Variants in CLASP1 observed in about 807,000 individuals in gnomAD.
The protein encoded by CLASP1 is CLIP-associating protein 1.
A neutral mutation model predicts 192.3 loss-of-function variants in CLASP1; 38 were observed. That is an observed-to-expected ratio of 0.20 (90% CI 0.15 to 0.26). The LOEUF is 0.26. Among genes scored for constraint, CLASP1 ranks in the 10% least tolerant of loss-of-function variants. The pLI is 1.00. For synonymous variants in CLASP1, 691 were observed against 712.8 expected (o/e 0.97, Z 0.49); for missense variants, 1,433 against 1,932.5 (o/e 0.74, Z 4.85).
intron 1 of CLASP1, among the ~76,000 whole-genome samples, chr2:121,642,405 AAAAAAAAAAAAAAG>A (rs1365142194): frequency 6.8e-6 from 1 of 148,104 alleles, no homozygotes; most frequent in Non-Finnish European, 1.5e-5. Flanking sequence ...TTTTGCTAAA[AAAAAAAAAAAAAAG>A]AAAAAAGAAA....
chr2:121,417,177 C>A (rs1179135323), intron 23 of CLASP1, among the ~76,000 whole-genome samples: 1 of 152,122 alleles, frequency 6.6e-6, no homozygotes, highest in African/African-American at 2.4e-5. Flanking sequence ...ACAAAACAGA[C>A]CAGATTCACT....
chr2:121,445,424 C>G, intron 19 of CLASP1: 1 of 1,283,296 alleles, frequency 7.8e-7, no homozygotes. Flanking sequence ...ACACGTCCAG[C>G]AGCAAAAGCT....
chr2:121,453,470 G>A (rs939470463), intron 14 of CLASP1, among the ~76,000 whole-genome samples: 3 of 152,124 alleles, frequency 2.0e-5, no homozygotes, highest in East Asian at 1.9e-4. Context: ...TCCTAGGGCC[G>A]GCAGTGGTGG....
intron 1 of CLASP1, among the ~76,000 whole-genome samples, chr2:121,648,885 G>C (rs1413862377): frequency 1.3e-5 from 2 of 152,230 alleles, no homozygotes; most frequent in Non-Finnish European, 2.9e-5. Flanking sequence ...GCCCAGGACG[G>C]GAGCCCGGGC....
At position 121,363,303 on chromosome 2, in the gene CLASP1, A is replaced by T; in HGVS notation, c.4078-3T>A. ...AACGCCAGTGCTCGAATTGAATGCT[A>T]GAATACAAAGGGAAAGGAAGACATC... On this transcript the variant is annotated splice_region_variant and splice_polypyrimidine_tract_variant and intron_variant, in intron 36 of 39. Transcript: ENST00000263710. 1 of 1,613,632 alleles carries T rather than the reference A, an allele frequency of 6.2e-7. No individual in the cohort carries two copies. The highest frequency in any genetic ancestry group is 8.5e-7 in the Non-Finnish European group (1 of 1,179,788).
At position 121,481,182 on chromosome 2, in the gene CLASP1, T is replaced by TAAA. The variant is rs751660477; in HGVS notation, c.713-11223_713-11222insTTT. Among the ~76,000 whole-genome samples the TAAA allele has an allele frequency of 3.3e-5, 5 of 152,248 alleles. No homozygotes were observed. The East Asian group carries it at 9.6e-4, about 29-fold the overall frequency. On this transcript the variant is annotated intron_variant, in intron 8 of 39. Coordinates refer to ENST00000263710, the Ensembl canonical transcript of CLASP1. ...AGTATGGGACAAATGGCAGCTATTT[T>TAAA]ATACCCTCATTATTTGTGCTATGCT...
chr2:121,478,895 A>ACAC (rs2092229625), intron 8 of CLASP1, among the ~76,000 whole-genome samples: 2 of 61,798 alleles, frequency 3.2e-5, no homozygotes, highest in Admixed American at 1.8e-4. Context: ...CACCACACAC[A>ACAC]CACACCACAC....
intron 37 of CLASP1, 96 bp from the exon 39 acceptor site, chr2:121,348,814 A>C (rs1573576006): frequency 9.0e-7 from 1 of 1,112,346 alleles, no homozygotes. Context: ...AAGGACAATG[A>C]CCTCAATGTC....
At chr2:121,608,567 C>T (rs1160882083) in intron 1 of CLASP1, among the ~76,000 whole-genome samples, 1 of 152,170 alleles carries the variant, frequency 6.6e-6, no homozygotes, top group African/African-American at 2.4e-5. Flanking sequence ...AACTGCCAGA[C>T]ATGTGAGTGA....
chr2:121,425,607 G>C (rs1397320426), intron 21 of CLASP1, among the ~76,000 whole-genome samples: 1 of 152,006 alleles, frequency 6.6e-6, no homozygotes, highest in Non-Finnish European at 1.5e-5. Context: ...TGTAAGAGCT[G>C]ATTATGTTAA....
intron 8 of CLASP1, among the ~76,000 whole-genome samples, chr2:121,476,846 C>T (rs2091682437): frequency 6.6e-6 from 1 of 152,196 alleles, no homozygotes; most frequent in Middle Eastern, 3.2e-3. Flanking sequence ...TTAGCTCTCT[C>T]AAGAGGAAGC....
At chr2:121,439,662 T>C (rs184579141) in intron 19 of CLASP1, among the ~76,000 whole-genome samples, 3 of 152,112 alleles carry the variant, frequency 2.0e-5, no homozygotes, top group South Asian at 2.1e-4. Context: ...TTATTCACAA[T>C]AGCAAAGACT....
chr2:121,608,884 A>AATC (rs1344891069), intron 1 of CLASP1, among the ~76,000 whole-genome samples: 1 of 152,168 alleles, frequency 6.6e-6, no homozygotes, highest in Non-Finnish European at 1.5e-5. Context: ...TAATAATAAT[A>AATC]ATAATACAAT....
intron 4 of CLASP1, 134 bp downstream of exon 4, chr2:121,528,543 T>C: frequency 2.9e-6 from 2 of 687,192 alleles, no homozygotes; most frequent in Non-Finnish European, 5.2e-6. Context: ...TTGAATGCTG[T>C]GAAAATTTTT....
At chr2:121,472,936 G>A (rs1280489940) in intron 8 of CLASP1, among the ~76,000 whole-genome samples, 1 of 152,182 alleles carries the variant, frequency 6.6e-6, no homozygotes, top group Non-Finnish European at 1.5e-5. Flanking sequence ...AGGGCATTAG[G>A]CAGACCGCAA....
intron 2 of CLASP1, among the ~76,000 whole-genome samples, chr2:121,533,390 A>C (rs1357826078): frequency 6.6e-6 from 1 of 152,156 alleles, no homozygotes; most frequent in African/African-American, 2.4e-5. Flanking sequence ...TAACTATAAA[A>C]ACCTCTTTGT....
At chr2:121,635,245 A>G (rs2070615999) in intron 1 of CLASP1, among the ~76,000 whole-genome samples, 1 of 151,990 alleles carries the variant, frequency 6.6e-6, no homozygotes, top group African/African-American at 2.4e-5. Flanking sequence ...AAGAAAAGAA[A>G]GAAAATGACT....
chr2:121,515,647 G>C lies in CLASP1; in HGVS notation c.644+18C>G. The stretch of plus-strand genomic sequence containing the variant: ...GGGGGTTGGGTAGAGCAGAAGAAAG[G>C]AAAAAATCTGCACTCACCGGGACTG... On this transcript the variant is annotated intron_variant, in intron 7 of 39. Transcript: ENST00000263710. 1.9e-6 allele frequency: 3 copies of C among 1,606,518 alleles called. No individual in the cohort carries two copies. Among genetic ancestry groups the C allele is most frequent in the Non-Finnish European group, 2.6e-6 (3 of 1,173,310 alleles).
At chr2:121,620,574 T>C (rs1482966528) in intron 1 of CLASP1, among the ~76,000 whole-genome samples, 3 of 152,150 alleles carry the variant, frequency 2.0e-5, no homozygotes, top group African/African-American at 7.2e-5. Context: ...GGTCTCGATC[T>C]ATTGACTTAG....
Sources: gnomAD v4.1 joint callset for allele counts (sites outside exome capture counted in the v4.1 genomes callset) on GRCh38, gnomAD v4.1.1 for gene constraint, MANE v1.5 for transcripts, NCBI Gene and HGNC (gene_info 2026-07-23, HGNC 2026-07-21) for gene names.